FLT3: variants seen among roughly 807,000 people sequenced by gnomAD.
The protein encoded by FLT3 is receptor-type tyrosine-protein kinase FLT3.
In FLT3, 46 loss-of-function variants were observed where a neutral mutation model predicts 126.6. That is an observed-to-expected ratio of 0.36 (90% CI 0.29 to 0.46). The LOEUF (loss-of-function observed/expected upper bound fraction) is 0.46. Among genes scored for constraint, FLT3 ranks in the 20% least tolerant of loss-of-function variants. The pLI, the probability that FLT3 is intolerant of heterozygous loss-of-function variation, is 1.00. For synonymous variants in FLT3, 404 were observed against 434.4 expected, an observed-to-expected ratio of 0.93 and a Z score of 0.87; for missense variants, 1,069 against 1,190.3, an observed-to-expected ratio of 0.90 and a Z score of 1.50.
intron 1 of FLT3, among the ~76,000 whole-genome samples, chr13:28,083,523 G>A (rs551286059): frequency 2.6e-5 from 4 of 152,208 alleles, no homozygotes; most frequent in South Asian, 2.1e-4. Flanking sequence ...GAGAAGTGTC[G>A]CCTTCTCTTC....
At chr13:28,093,090 T>G (rs2137830984) in intron 1 of FLT3, among the ~76,000 whole-genome samples, 1 of 151,662 alleles carries the variant, frequency 6.6e-6, no homozygotes, top group Admixed American at 6.6e-5. Flanking sequence ...TCTGGCTAAC[T>G]TTTTTTGTAT....
chr13:28,034,253 G>A (rs1344735185), intron 13 of FLT3, 39 bp from the exon 14 acceptor site: 6 of 1,613,580 alleles, frequency 3.7e-6, no homozygotes, highest in Non-Finnish European at 4.2e-6. Context: ...GGAATAGGCA[G>A]TTCTGCAGAT....
intron 15 of FLT3, among the ~76,000 whole-genome samples, chr13:28,030,249 A>AC (rs1873199938): frequency 6.6e-6 from 1 of 151,876 alleles, no homozygotes; most frequent in African/African-American, 2.4e-5. Flanking sequence ...GGGCACTGGG[A>AC]CCCCCTAATA....
chr13:28,025,226 A>G, intron 17 of FLT3: 1 of 453,112 alleles, frequency 2.2e-6, no homozygotes, highest in Non-Finnish European at 4.0e-6. Context: ...GTGGCATTTT[A>G]TAAAAGAGAA....
chr13:28,086,192 C>T (rs913604844), intron 1 of FLT3, among the ~76,000 whole-genome samples: 2 of 152,204 alleles, frequency 1.3e-5, no homozygotes, highest in South Asian at 4.1e-4. Context: ...TTGGGAATAA[C>T]TGAGCTTTTA....
chr13:28,010,773 G>A (rs749697277), intron 23 of FLT3, among the ~76,000 whole-genome samples: 12 of 152,186 alleles, frequency 7.9e-5, no homozygotes, highest in Admixed American at 3.3e-4. Flanking sequence ...TTGGGAGGCC[G>A]AGGCAGGCGA....
intron 1 of FLT3, among the ~76,000 whole-genome samples, chr13:28,072,017 C>T (rs758197318): frequency 5.3e-5 from 8 of 152,040 alleles, no homozygotes; most frequent in Non-Finnish European, 7.4e-5. Flanking sequence ...TCTCCTTCTC[C>T]ACCCTCTTTG....
rs148070788 is a variant in FLT3, at chr13:28,023,323, T to C, written c.2418+27A>G. On this transcript the variant is annotated intron_variant, in intron 19 of 23. Transcript: ENST00000241453. ...ACATCTTTTCAAATCTTTTTTTTGG[T>C]TTGTTTTTTCTTTAAAAGGAGCATA... is the stretch of plus-strand genomic sequence containing the variant. The C allele has an allele frequency of 5.0e-6, 8 of 1,588,616 alleles. No individual in the cohort carries two copies. In the East Asian group the frequency reaches 1.8e-4, roughly 36 times the overall value.
intron 15 of FLT3, among the ~76,000 whole-genome samples, chr13:28,032,982 G>A (rs535571551): frequency 4.6e-5 from 7 of 152,214 alleles, no homozygotes; most frequent in South Asian, 4.1e-4. Context: ...ACGCCAGATC[G>A]GAATGGATGG....
intron 4 of FLT3, among the ~76,000 whole-genome samples, chr13:28,054,668 CCTT>C (rs1272471659): frequency 1.3e-5 from 2 of 152,192 alleles, no homozygotes; most frequent in Non-Finnish European, 2.9e-5. Flanking sequence ...CAGGGACTGT[CCTT>C]CTTTAAACAA....
At chr13:28,016,452 G>A (rs552115764) in intron 20 of FLT3, among the ~76,000 whole-genome samples, 9 of 152,014 alleles carry the variant, frequency 5.9e-5, no homozygotes, top group South Asian at 4.2e-4. Flanking sequence ...TGTATTTTTC[G>A]TAGAGACGGG....
intron 1 of FLT3, among the ~76,000 whole-genome samples, chr13:28,074,746 TC>T (rs1398273608): frequency 6.6e-6 from 1 of 152,238 alleles, no homozygotes; most frequent in Non-Finnish European, 1.5e-5. Flanking sequence ...GCTCAAGCCA[TC>T]CCCCCACCTT....
At chr13:28,080,829 TA>T (rs1229677052) in intron 1 of FLT3, among the ~76,000 whole-genome samples, 1 of 152,230 alleles carries the variant, frequency 6.6e-6, no homozygotes, top group African/African-American at 2.4e-5. Context: ...CATTATGACA[TA>T]TGGATCAAAG....
intron 1 of FLT3, among the ~76,000 whole-genome samples, chr13:28,073,015 A>AC (rs1555261273): frequency 6.7e-6 from 1 of 149,982 alleles, no homozygotes; most frequent in African/African-American, 2.5e-5. Context: ...TAAAAAAAAA[A>AC]AACAACAACA....
At chr13:28,077,691 C>T (rs1271154643) in intron 1 of FLT3, among the ~76,000 whole-genome samples, 2 of 152,142 alleles carry the variant, frequency 1.3e-5, no homozygotes, top group African/African-American at 4.8e-5. Flanking sequence ...TCCCAACAGT[C>T]CCCCGTAGTC....
At chr13:28,047,686 T>C (rs1875010741) in intron 9 of FLT3, among the ~76,000 whole-genome samples, 1 of 135,842 alleles carries the variant, frequency 7.4e-6, no homozygotes, top group Non-Finnish European at 1.5e-5. Context: ...CACTATAGCC[T>C]AGGTGACAGA....
chr13:28,057,692 C>A (rs929687612), intron 3 of FLT3, among the ~76,000 whole-genome samples: 1 of 152,080 alleles, frequency 6.6e-6, no homozygotes, highest in Admixed American at 6.6e-5. Context: ...AGCTCCATTC[C>A]GGTGCCATCA....
In FLT3 at chr13:28,048,334, C is replaced by T. The variant is rs1326960919; in HGVS notation, c.1146G>A (p.Thr382=). 34 of 1,613,834 alleles carry T rather than the reference C, an allele frequency of 2.1e-5. No individual in the cohort carries two copies. Among genetic ancestry groups the T allele is most frequent in the Middle Eastern group, 1.6e-4 (1 of 6,084 alleles). Residue 382 remains threonine (T), a synonymous_variant, in exon 9 of 24, where the codon ACG becomes ACA. Coordinates refer to ENST00000241453, the MANE Select transcript of FLT3 (RefSeq NM_004119.3). ...RFKAYPQIRC[T]WTFSRKSFPC... ...GAAATGATTTTCGAGAGAAGGTCCA[C>T]GTACATCTGATTTGTGGGTAGGCTT...
chr13:28,098,961 C>A (rs1439210541), intron 1 of FLT3, among the ~76,000 whole-genome samples: 2 of 152,140 alleles, frequency 1.3e-5, no homozygotes, highest in East Asian at 3.8e-4. Context: ...GGAGGGGGTA[C>A]TGACAGAGAG....
Sources: allele counts gnomAD v4.1 joint callset (sites outside exome capture counted in the v4.1 genomes callset), GRCh38; gene constraint gnomAD v4.1.1; transcripts MANE v1.5; gene names NCBI Gene and HGNC (gene_info 2026-07-23, HGNC 2026-07-21).